The following XRRA1 variants were observed in gnomAD, a reference collection of about 807,000 sequenced individuals.
XRRA1 encodes X-ray radiation resistance associated 1, also known as X-ray radiation resistance-associated protein 1.
Under a neutral mutation model 80.2 loss-of-function variants are expected in XRRA1, and 69 were observed. The observed-to-expected ratio is 0.86, with a 90% CI of 0.71 to 1.05. The LOEUF is 1.05. Ranked by LOEUF, XRRA1 falls within the 50% of genes least tolerant of loss-of-function variation. XRRA1 has a pLI of 0.00. For missense variants in XRRA1, 967 were observed against 976.4 expected (o/e 0.99, Z 0.13); for synonymous variants, 348 against 389.9 (o/e 0.89, Z 1.27).
In XRRA1 at chr11:74,842,445, G is replaced by A. The variant is rs2036705728; in HGVS notation, c.*755C>T. 6.6e-6 allele frequency: 1 copy of A among 152,242 alleles called. No homozygotes were observed. The highest frequency in any genetic ancestry group is 6.5e-5 in the Admixed American group (1 of 15,280). 9.4% of individuals were successfully genotyped at this position (152,242 alleles called of 1,614,324 possible). A position where few individuals can be genotyped will look rare whatever the true frequency, so the allele number is the denominator to read the frequency against. On this transcript the variant is annotated 3_prime_UTR_variant, in exon 19 of 19. Transcript: ENST00000684022. Reference sequence around the variant, plus strand: ...GTTTATAGTCAGAGTCTTGTCTCTGGTGAACAATCTCAGACAAAAACATGG... The same window carrying A: ...GTTTATAGTCAGAGTCTTGTCTCTGATGAACAATCTCAGACAAAAACATGG...
chr11:74,884,982 G>A (rs1467559535), intron 10 of XRRA1, among the ~76,000 whole-genome samples: 3 of 152,128 alleles, frequency 2.0e-5, no homozygotes, highest in Non-Finnish European at 4.4e-5. Context: ...AAGATCCACA[G>A]CCTGGATATG....
intron 18 of XRRA1, 184 bp downstream of exon 18, chr11:74,843,670 G>T: frequency 1.2e-6 from 1 of 810,604 alleles, no homozygotes; most frequent in Non-Finnish European, 1.9e-6. Context: ...ACCTTAACAT[G>T]CTGTGTGATT....
intron 2 of XRRA1, among the ~76,000 whole-genome samples, chr11:74,941,308 TG>T (rs1946294508): frequency 6.6e-6 from 1 of 152,212 alleles, no homozygotes; most frequent in African/African-American, 2.4e-5. Flanking sequence ...ATATTAAGTC[TG>T]TGCTAGATGT....
At chr11:74,861,665 C>A (rs916546469) in intron 11 of XRRA1, among the ~76,000 whole-genome samples, 1 of 152,190 alleles carries the variant, frequency 6.6e-6, no homozygotes, top group Non-Finnish European at 1.5e-5. Flanking sequence ...AAACCACCCA[C>A]CCCACCCCAG....
At position 74,883,298 on chromosome 11, in the gene XRRA1, C is replaced by G. The variant is rs1034013293; in HGVS notation, c.1004-20277G>C. On this transcript the variant is annotated intron_variant, in intron 10 of 18. Transcript: ENST00000684022. Reference sequence around the variant, plus strand: ...TCCAGGTGCCGTCCGTCACCCCTTTCTTTGACTCAGGAAGGGAACTCCCTG... The same window carrying G: ...TCCAGGTGCCGTCCGTCACCCCTTTGTTTGACTCAGGAAGGGAACTCCCTG... Among the ~76,000 whole-genome samples the G allele has an allele frequency of 2.4e-4, 36 of 152,342 alleles. No individual in the cohort carries two copies. In the South Asian group the frequency reaches 7.5e-3, roughly 32 times the overall value.
rs1270330368 is a variant in XRRA1, at chr11:74,903,200, A to T, written c.1003+3039T>A. Among the ~76,000 whole-genome samples, 4 of 152,214 alleles carry T rather than the reference A, an allele frequency of 2.6e-5. No individual in the cohort carries two copies. In the East Asian group the frequency reaches 7.7e-4, roughly 29 times the overall value. On this transcript the variant is annotated intron_variant, in intron 10 of 18. Transcript: ENST00000684022. ...GCAATTTTTAAAACTACATATACAT[A>T]TACTCTGTCATCCATCAATCCCACT...
intron 2 of XRRA1, among the ~76,000 whole-genome samples, chr11:74,942,682 A>G (rs1946566754): frequency 6.6e-6 from 1 of 152,192 alleles, no homozygotes; most frequent in Non-Finnish European, 1.5e-5. Context: ...TGTGGCCTTG[A>G]GCAAGTTACT....
chr11:74,861,390 T>C (rs1046281894), intron 11 of XRRA1, among the ~76,000 whole-genome samples: 52 of 152,314 alleles, frequency 3.4e-4, no homozygotes, highest in African/African-American at 1.3e-3. Context: ...GCAGTGGCAT[T>C]AGATTCTCAT....
chr11:74,845,538 T>C (rs75863965), intron 15 of XRRA1, among the ~76,000 whole-genome samples: 1,612 of 152,270 alleles, frequency 0.011, 34 homozygotes, highest in African/African-American at 0.035. Flanking sequence ...CTGAGCTAAG[T>C]CTTGAAGAGC....
At chr11:74,927,585 C>T (rs1443676467) in intron 6 of XRRA1, 97 bp from the exon 7 acceptor site, 3 of 809,344 alleles carry the variant, frequency 3.7e-6, no homozygotes, top group African/African-American at 3.4e-5. Flanking sequence ...CTGGGTTAGG[C>T]CAGGCACTGT....
intron 2 of XRRA1, among the ~76,000 whole-genome samples, chr11:74,943,569 C>CAGAG (rs141326220): frequency 8.1e-5 from 7 of 86,690 alleles, no homozygotes; most frequent in African/African-American, 1.6e-4. Flanking sequence ...GTGTATGTGT[C>CAGAG]AGAGAGAGAG....
At chr11:74,934,425 A>G (rs1944434724) in intron 4 of XRRA1, among the ~76,000 whole-genome samples, 1 of 152,244 alleles carries the variant, frequency 6.6e-6, no homozygotes, top group Admixed American at 6.5e-5. Flanking sequence ...AATGAAGAAA[A>G]AGCAGAGACA....
chr11:74,849,426 CT>C (rs1408548280), intron 14 of XRRA1, among the ~76,000 whole-genome samples: 1 of 152,152 alleles, frequency 6.6e-6, no homozygotes, highest in Non-Finnish European at 1.5e-5. Context: ...AATGTATTTC[CT>C]TTTGGAAAAT....
chr11:74,935,491 A>G (rs1350337418), intron 4 of XRRA1, among the ~76,000 whole-genome samples: 2 of 152,244 alleles, frequency 1.3e-5, no homozygotes, highest in Admixed American at 6.5e-5. Context: ...GGTGGCCCAG[A>G]TAAGGGTCAT....
intron 10 of XRRA1, among the ~76,000 whole-genome samples, chr11:74,879,104 T>C (rs937347365): frequency 6.7e-6 from 1 of 148,982 alleles, no homozygotes; most frequent in African/African-American, 2.5e-5. Context: ...GAGCATGGAA[T>C]GTTCTTCCAT....
At chr11:74,890,406 G>A (rs1201683070) in intron 10 of XRRA1, among the ~76,000 whole-genome samples, 1 of 152,232 alleles carries the variant, frequency 6.6e-6, no homozygotes, top group African/African-American at 2.4e-5. Flanking sequence ...AAAGCAGTGT[G>A]TAGAGGGAAA....
At position 74,940,866 on chromosome 11, in the gene XRRA1, C is replaced by A; in HGVS notation, c.13G>T (p.Gly5Ter). The A allele has an allele frequency of 6.2e-7, 1 of 1,607,704 alleles. No individual in the cohort carries two copies. Among genetic ancestry groups the A allele is most frequent in the Non-Finnish European group, 8.5e-7 (1 of 1,177,140 alleles). Residue 5 changes from glycine to a stop codon, truncating the protein, a stop_gained, in exon 3 of 19, where the codon GGA becomes TGA. Coordinates refer to ENST00000684022, the MANE Select transcript of XRRA1 (RefSeq NM_001378157.1). LOFTEE classifies it high-confidence loss of function. Reference sequence around the variant, plus strand: ...TTCCCATCATCCAGCTTGTAGATTCCTGAGAAGGCCATCTCCCTGAGAGCC... The same window carrying A: ...TTCCCATCATCCAGCTTGTAGATTCATGAGAAGGCCATCTCCCTGAGAGCC... MAFS[G>*]IYKLDDGKPY... is the part of the protein sequence containing the mutation.
chr11:74,874,568 A>G (rs1429295723), intron 10 of XRRA1, among the ~76,000 whole-genome samples: 1 of 152,236 alleles, frequency 6.6e-6, no homozygotes. Flanking sequence ...CCACCAAATT[A>G]ACCCTGGGAA....
At chr11:74,918,280 T>G (rs1939421729) in intron 8 of XRRA1, among the ~76,000 whole-genome samples, 1 of 148,378 alleles carries the variant, frequency 6.7e-6, no homozygotes, top group Non-Finnish European at 1.5e-5. Context: ...TATTTTCGTG[T>G]GCATTTTCTT....
Sources: gnomAD v4.1 joint callset for allele counts (sites outside exome capture counted in the v4.1 genomes callset) on GRCh38, gnomAD v4.1.1 for gene constraint, MANE v1.5 for transcripts, NCBI Gene and HGNC (gene_info 2026-07-23, HGNC 2026-07-21) for gene names.